The following AGAP1 variants were observed in gnomAD, a reference collection of about 807,000 sequenced individuals.
The protein encoded by AGAP1 is arf-GAP with GTPase, ANK repeat and PH domain-containing protein 1.
A neutral mutation model predicts 105.3 loss-of-function variants in AGAP1; 29 were observed. The ratio of observed to expected loss-of-function variants is 0.28; its 90% CI spans 0.21 to 0.38. AGAP1 has a LOEUF of 0.38. Ranked by LOEUF, AGAP1 falls within the 10% of genes least tolerant of loss-of-function variation. The pLI, the probability that AGAP1 is intolerant of heterozygous loss-of-function variation, is 1.00. For synonymous variants in AGAP1, 509 were observed against 485.9 expected, an observed-to-expected ratio of 1.05 and a Z score of -0.63; for missense variants, 998 against 1,165.1, an observed-to-expected ratio of 0.86 and a Z score of 2.09.
intron 6 of AGAP1, among the ~76,000 whole-genome samples, chr2:235,764,653 C>T (rs1452197457): frequency 6.7e-6 from 1 of 150,268 alleles, no homozygotes; most frequent in African/African-American, 2.4e-5. Flanking sequence ...ATGGGGGCAC[C>T]TGGGAGCGCC....
At chr2:235,509,083 A>C (rs1410676445) in intron 1 of AGAP1, among the ~76,000 whole-genome samples, 1 of 152,084 alleles carries the variant, frequency 6.6e-6, no homozygotes, top group Non-Finnish European at 1.5e-5. Context: ...AACCAGATTT[A>C]CCTAGAGGGT....
rs1553540980 is a variant in AGAP1 at position 236,000,791 on chromosome 2, A to AC, written c.1645+32172dup. On this transcript the variant is annotated intron_variant, in intron 13 of 17. Coordinates refer to ENST00000304032, the MANE Select transcript of AGAP1 (RefSeq NM_001037131.3). The surrounding 1 kb of genome is among the most constrained non-coding windows in gnomAD (Gnocchi z 4.3). The stretch of plus-strand genomic sequence containing the variant: ...AGGGCCACTAAGGGGGGCGGAGAAG[A>AC]CCCCTGACAGCAAGAAGGAGCCCCA... Among the ~76,000 whole-genome samples the AC allele has an allele frequency of 6.6e-6, 1 of 152,044 alleles. No individual in the cohort carries two copies. The highest frequency in any genetic ancestry group is 1.5e-5 in the Non-Finnish European group (1 of 67,982).
rs376183136 is a variant in AGAP1, at chr2:235,723,978, C to T, written c.310+6334C>T. On this transcript the variant is annotated intron_variant, in intron 3 of 17. Transcript: ENST00000304032. The surrounding 1 kb of genome is among the most constrained non-coding windows in gnomAD (Gnocchi z 6.2). ...GGGCCTGCCTGCCACTGAGGCCCAG[C>T]GGCTGCCTGCGAGGGTCAGTGGTGT... Among the ~76,000 whole-genome samples, 2 of 152,150 alleles carry T rather than the reference C, an allele frequency of 1.3e-5. No individual in the cohort carries two copies. Among genetic ancestry groups the T allele is most frequent in the Admixed American group, 6.5e-5 (1 of 15,284 alleles).
chr2:235,539,798 G>A (rs545528715), intron 1 of AGAP1, among the ~76,000 whole-genome samples: 3 of 152,280 alleles, frequency 2.0e-5, no homozygotes, highest in African/African-American at 7.2e-5. Context: ...GTGCCACTGG[G>A]GGACACGAGA....
chr2:236,014,480 G>A lies in AGAP1; in HGVS notation c.1646-22081G>A, dbSNP rs1291631489. 6.6e-6 allele frequency among the ~76,000 whole-genome samples: 1 copy of A among 152,190 alleles called. No individual in the cohort carries two copies. Among genetic ancestry groups the A allele is most frequent in the African/African-American group, 2.4e-5 (1 of 41,454 alleles). ...GGTGTCATCATTTCCCAAGGCAGAG[G>A]CCAGTTTTTGTGCTGTTTTGAGTAG... On this transcript the variant is annotated intron_variant, in intron 13 of 17. Coordinates refer to ENST00000304032, the MANE Select transcript of AGAP1 (RefSeq NM_001037131.3). The surrounding 1 kb of genome is among the most constrained non-coding windows in gnomAD (Gnocchi z 6.3).
intron 10 of AGAP1, among the ~76,000 whole-genome samples, chr2:235,884,033 G>A (rs2050152055): frequency 6.6e-6 from 1 of 152,164 alleles, no homozygotes; most frequent in African/African-American, 2.4e-5. Context: ...GGGAAGAAAT[G>A]CAGACGTTCT....
At position 235,918,278 on chromosome 2, in the gene AGAP1, G is replaced by A. The variant is rs138732413; in HGVS notation, c.1324+9372G>A. 1.6e-3 allele frequency among the ~76,000 whole-genome samples: 244 copies of A among 152,332 alleles called. 2 individuals carry two copies. Among genetic ancestry groups the A allele is most frequent in the African/African-American group, 5.3e-3 (221 of 41,572 alleles). ...TTTGCAAATGGAAGCCTTACTGGTC[G>A]AGAATTATTTTTCTGAAATAAAACC... On this transcript the variant is annotated intron_variant, in intron 11 of 17. Coordinates refer to ENST00000304032, the MANE Select transcript of AGAP1 (RefSeq NM_001037131.3).
intron 1 of AGAP1, among the ~76,000 whole-genome samples, chr2:235,547,573 G>A (rs984526264): frequency 3.9e-5 from 6 of 152,080 alleles, no homozygotes; most frequent in Non-Finnish European, 8.8e-5. Flanking sequence ...TGGCCAGATT[G>A]GTCTCAAACT....
intron 6 of AGAP1, among the ~76,000 whole-genome samples, chr2:235,784,540 A>G (rs1190244674): frequency 6.7e-6 from 1 of 148,500 alleles, no homozygotes; most frequent in Non-Finnish European, 1.5e-5. Context: ...CCTTTTAATT[A>G]CCTGAGGTGC....
At chr2:235,545,491 G>A (rs1010373620) in intron 1 of AGAP1, among the ~76,000 whole-genome samples, 7 of 152,166 alleles carry the variant, frequency 4.6e-5, no homozygotes, top group Non-Finnish European at 8.8e-5. Flanking sequence ...CACCTGCGGG[G>A]GAAGTAGTAG....
At chr2:235,589,453 C>T (rs1214948754) in intron 1 of AGAP1, among the ~76,000 whole-genome samples, 1 of 151,984 alleles carries the variant, frequency 6.6e-6, no homozygotes, top group Non-Finnish European at 1.5e-5. Context: ...GTGATCCGCC[C>T]ACCTTGGCAT....
chr2:235,611,302 C>A lies in AGAP1; in HGVS notation c.164-97877C>A, dbSNP rs78557768. 8.1e-3 allele frequency among the ~76,000 whole-genome samples: 1,235 copies of A among 152,310 alleles called. 17 individuals carry two copies. The highest frequency in any genetic ancestry group is 0.029 in the African/African-American group (1,188 of 41,570). On this transcript the variant is annotated intron_variant, in intron 1 of 17. Coordinates refer to ENST00000304032, the MANE Select transcript of AGAP1 (RefSeq NM_001037131.3). The surrounding 1 kb of genome is among the most constrained non-coding windows in gnomAD (Gnocchi z 5.0). ...ACTTTCGTTGGAGATGAAGAGTCTC[C>A]CTTTCAGACTGCAAGCCCCTTGAGG...
rs1015267870 is a variant in AGAP1 at position 236,082,673 on chromosome 2, A to G, written c.2114+33392A>G. ...TGGATCACCTGAGGCCAGGAGTTTGAGACCAGCCTGGCCAACATGGCGAAA... is the reference window on the plus strand; with the variant it reads ...TGGATCACCTGAGGCCAGGAGTTTGGGACCAGCCTGGCCAACATGGCGAAA... On this transcript the variant is annotated intron_variant, in intron 16 of 17. Coordinates refer to ENST00000304032, the MANE Select transcript of AGAP1 (RefSeq NM_001037131.3). The surrounding 1 kb of genome is among the most constrained non-coding windows in gnomAD (Gnocchi z 4.2). 6.6e-6 allele frequency among the ~76,000 whole-genome samples: 1 copy of G among 152,208 alleles called. No homozygotes were observed. The highest frequency in any genetic ancestry group is 1.5e-5 in the Non-Finnish European group (1 of 68,030).
At chr2:235,681,200 G>A (rs955500561) in intron 1 of AGAP1, among the ~76,000 whole-genome samples, 1 of 152,026 alleles carries the variant, frequency 6.6e-6, no homozygotes, top group South Asian at 2.1e-4. Flanking sequence ...TAGTAGAGAC[G>A]GGGCTTCACC....
chr2:235,509,262 T>G (rs997322451), intron 1 of AGAP1, among the ~76,000 whole-genome samples: 1 of 152,218 alleles, frequency 6.6e-6, no homozygotes, highest in African/African-American at 2.4e-5. Context: ...AGTCTGGCTC[T>G]GTCACCCAGG....
intron 12 of AGAP1, among the ~76,000 whole-genome samples, chr2:235,950,652 C>T (rs2053693309): frequency 6.6e-6 from 1 of 151,874 alleles, no homozygotes; most frequent in African/African-American, 2.4e-5. Flanking sequence ...CTGCTTCCTG[C>T]CGCATCCACC....
rs151071044 is a variant in AGAP1 at position 235,957,138 on chromosome 2, ACT to A, written c.1484-11321_1484-11320del. On this transcript the variant is annotated intron_variant, in intron 12 of 17. Coordinates refer to ENST00000304032, the MANE Select transcript of AGAP1 (RefSeq NM_001037131.3). The surrounding 1 kb of genome is among the most constrained non-coding windows in gnomAD (Gnocchi z 4.6). ...ACATTTTCATCGTCTCAAAAAGGAA[ACT>A]CTGTTCTTGAATTGGTGGTCAGAAT... Among the ~76,000 whole-genome samples, 2,513 of 152,074 alleles carry A rather than the reference ACT, an allele frequency of 0.017. 77 individuals carry two copies. The highest frequency in any genetic ancestry group is 0.058 in the African/African-American group (2,392 of 41,480).
Position 235,556,500 on chromosome 2 carries a change from G to C in AGAP1, c.163+61651G>C, listed in dbSNP as rs1943978849. ...CACAAACCAGAGAAGGGCTTCAGCA[G>C]AGGGCCATGAGTGCCTAACCGTTTA... On this transcript the variant is annotated intron_variant, in intron 1 of 17. Transcript: ENST00000304032. The surrounding 1 kb of genome is among the most constrained non-coding windows in gnomAD (Gnocchi z 5.3). Among the ~76,000 whole-genome samples the C allele has an allele frequency of 6.6e-6, 1 of 152,226 alleles. No individual in the cohort carries two copies. The highest frequency in any genetic ancestry group is 2.4e-5 in the African/African-American group (1 of 41,474).
rs909218860 is a variant in AGAP1 at position 235,553,319 on chromosome 2, G to A, written c.163+58470G>A. Among the ~76,000 whole-genome samples, 1 of 151,896 alleles carries A rather than the reference G, an allele frequency of 6.6e-6. No homozygotes were observed. The highest frequency in any genetic ancestry group is 2.4e-5 in the African/African-American group (1 of 41,330). ...ACTGGACATCTGGGAGGCAGTGGGG[G>A]TCAGAGGAAGTTGGGTTTTTTTTTG... On this transcript the variant is annotated intron_variant, in intron 1 of 17. Coordinates refer to ENST00000304032, the MANE Select transcript of AGAP1 (RefSeq NM_001037131.3). This position sits in a 1 kb window ranked among gnomAD's most constrained non-coding sequence, Gnocchi z 4.5.
Sources: allele counts gnomAD v4.1 joint callset (sites outside exome capture counted in the v4.1 genomes callset), GRCh38; gene constraint gnomAD v4.1.1; non-coding constraint Gnocchi (gnomAD v3.1); transcripts MANE v1.5; gene names NCBI Gene and HGNC (gene_info 2026-07-23, HGNC 2026-07-21).